Variants in PCDHA2 observed in about 807,000 individuals in gnomAD.
PCDHA2 encodes the protein protocadherin alpha 2.
A neutral mutation model predicts 66.0 loss-of-function variants in PCDHA2; 58 were observed. That is an observed-to-expected ratio of 0.88 (90% CI 0.71 to 1.09). The LOEUF is 1.09. Ranked by LOEUF, PCDHA2 falls within the 50% of genes least tolerant of loss-of-function variation. PCDHA2 has a pLI of 0.00. For synonymous variants in PCDHA2, 634 were observed against 554.0 expected (o/e 1.14, Z -2.03); for missense variants, 1,267 against 1,242.3 (o/e 1.02, Z -0.30).
At chr5:140,920,812 C>T (rs575249440) in intron 1 of PCDHA2, among the ~76,000 whole-genome samples, 126 of 151,392 alleles carry the variant, frequency 8.3e-4, no homozygotes, top group Admixed American at 2.4e-3. Flanking sequence ...CCACTGCACT[C>T]CAGCCTGGCG....
chr5:140,875,525 T>C, intron 1 of PCDHA2: 1 of 1,614,132 alleles, frequency 6.2e-7, no homozygotes, highest in Non-Finnish European at 8.5e-7. Flanking sequence ...CTGCTCTCGC[T>C]TCTGCTCCTT....
chr5:140,839,214 T>TG (rs2150295462), intron 1 of PCDHA2, among the ~76,000 whole-genome samples: 88,381 of 151,600 alleles, frequency 0.58, 26,863 homozygotes, highest in African/African-American at 0.73. Context: ...CCTTCAAAGA[T>TG]GTAACTGTAA....
At chr5:140,998,122 A>G (rs2097797315) in intron 3 of PCDHA2, among the ~76,000 whole-genome samples, 1 of 152,214 alleles carries the variant, frequency 6.6e-6, no homozygotes, top group Admixed American at 6.5e-5. Flanking sequence ...TTACTTGTGA[A>G]TCATAATAGC....
intron 1 of PCDHA2, among the ~76,000 whole-genome samples, chr5:140,975,597 T>C (rs2096674133): frequency 6.6e-6 from 1 of 152,242 alleles, no homozygotes; most frequent in Non-Finnish European, 1.5e-5. Context: ...GAGGGCAATT[T>C]GTTGATGTCT....
intron 1 of PCDHA2, among the ~76,000 whole-genome samples, chr5:140,925,082 AAAGG>A (rs138596875): frequency 0.022 from 3,184 of 147,344 alleles, 79 homozygotes; most frequent in African/African-American, 0.064. Flanking sequence ...GCTCATCTGG[AAAGG>A]AAGGAAGGAA....
chr5:140,812,645 A>G (rs1765150746), intron 1 of PCDHA2: 1 of 152,074 alleles, frequency 6.6e-6, no homozygotes, highest in Non-Finnish European at 1.5e-5. Context: ...CATGTTTAAG[A>G]GACAAGATCT....
In PCDHA2 at chr5:140,970,874, G is replaced by A. The variant is rs191123160; in HGVS notation, c.2389-8075G>A. On this transcript the variant is annotated intron_variant, in intron 1 of 3. Coordinates refer to ENST00000526136, the MANE Select transcript of PCDHA2 (RefSeq NM_018905.3). ...AAAGTTCCATTCCTGATTGAGAGTA[G>A]ATTTTTCTCATGGACATTTCAGATA... Among the ~76,000 whole-genome samples the A allele has an allele frequency of 1.6e-4, 24 of 152,250 alleles. No individual in the cohort carries two copies. The East Asian group carries it at 2.7e-3, about 17-fold the overall frequency.
intron 1 of PCDHA2, among the ~76,000 whole-genome samples, chr5:140,874,013 A>C (rs2054638776): frequency 6.6e-6 from 1 of 152,248 alleles, no homozygotes; most frequent in Non-Finnish European, 1.5e-5. Flanking sequence ...ACCACTTTTG[A>C]AAATGAAAAA....
intron 1 of PCDHA2, chr5:140,867,317 CTAA>C (rs1554161223): frequency 6.6e-6 from 1 of 151,956 alleles, no homozygotes; most frequent in African/African-American, 2.4e-5. Flanking sequence ...GTCATCTGGT[CTAA>C]TGTTATGTTT....
chr5:140,858,263 T>C lies in PCDHA2; in HGVS notation c.2388+60911T>C, dbSNP rs781901851. ...TGGGCCGGTGAAGCCCACGCTGGTGTGCTCTAGCGCGGTGGGGAGCTGGTC... is the reference window on the plus strand; with the variant it reads ...TGGGCCGGTGAAGCCCACGCTGGTGCGCTCTAGCGCGGTGGGGAGCTGGTC... On this transcript the variant is annotated intron_variant, in intron 1 of 3. Transcript: ENST00000526136. 2.5e-6 allele frequency: 4 copies of C among 1,596,360 alleles called. No homozygotes were observed. The African/African-American group carries it at 4.0e-5, about 16-fold the overall frequency.
chr5:140,834,196 A>T, intron 1 of PCDHA2: 1 of 595,792 alleles, frequency 1.7e-6, no homozygotes, highest in Non-Finnish European at 2.9e-6. Flanking sequence ...GTCGCTCTTT[A>T]CCGCAAATTC....
chr5:140,969,264 C>T, intron 1 of PCDHA2: 1 of 1,614,208 alleles, frequency 6.2e-7, no homozygotes, highest in Non-Finnish European at 8.5e-7. Flanking sequence ...AGGAATCTCA[C>T]AGGCCAAAGT....
intron 1 of PCDHA2, chr5:140,808,816 A>G (rs2879086): frequency 0.54 from 868,261 of 1,612,650 alleles, 235,441 homozygotes; most frequent in African/African-American, 0.7. Context: ...CCGGCGTGCC[A>G]CCTCTGGGCA....
intron 3 of PCDHA2, among the ~76,000 whole-genome samples, chr5:140,982,861 G>A (rs1356683030): frequency 1.3e-5 from 2 of 152,110 alleles, no homozygotes; most frequent in African/African-American, 4.8e-5. Flanking sequence ...CCTTTCAAAT[G>A]CTTAGGTCAT....
intron 2 of PCDHA2, 91 bp downstream of exon 2, chr5:140,979,098 A>C: frequency 1.3e-6 from 2 of 1,547,480 alleles, no homozygotes; most frequent in East Asian, 2.3e-5. Flanking sequence ...AGCAGCTGTC[A>C]AAACTAAAAA....
rs780758944 is a variant in PCDHA2 at position 140,904,284 on chromosome 5, T to G, written c.2389-74665T>G. Among the ~76,000 whole-genome samples the G allele has an allele frequency of 1.3e-3, 196 of 152,216 alleles. 3 individuals carry two copies. The highest frequency in any genetic ancestry group is 1.2e-3 in the Non-Finnish European group (83 of 68,010). ...CACTTATGAATGAGAACATGTGGTG[T>G]TTGGTTTTCCATTCCTGAGTTTCTT... On this transcript the variant is annotated intron_variant, in intron 1 of 3. Transcript: ENST00000526136.
chr5:140,957,327 A>G (rs1554222920), intron 1 of PCDHA2, among the ~76,000 whole-genome samples: 1 of 152,182 alleles, frequency 6.6e-6, no homozygotes, highest in East Asian at 1.9e-4. Context: ...AGCACAGTAC[A>G]GTAAGATATT....
At chr5:140,978,881 A>G in intron 1 of PCDHA2, 68 bp from the exon 2 acceptor site, 1 of 1,610,922 alleles carries the variant, frequency 6.2e-7, no homozygotes, top group Non-Finnish European at 8.5e-7. Flanking sequence ...TAACTAATCA[A>G]TTAGCAGCAT....
At chr5:140,928,082 T>A (rs1387313022) in intron 1 of PCDHA2, 4 of 1,614,094 alleles carry the variant, frequency 2.5e-6, no homozygotes, top group Admixed American at 3.3e-5. Context: ...TACTACAGCC[T>A]GCTGATTGAT....
Sources: gnomAD v4.1 joint callset for allele counts (sites outside exome capture counted in the v4.1 genomes callset) on GRCh38, gnomAD v4.1.1 for gene constraint, MANE v1.5 for transcripts, NCBI Gene and HGNC (gene_info 2026-07-23, HGNC 2026-07-21) for gene names.